CSMD3: variants seen among roughly 807,000 people sequenced by gnomAD.
The protein encoded by CSMD3 is CUB and sushi domain-containing protein 3.
CSMD3 carries 177 observed loss-of-function variants against 435.2 expected under a neutral mutation model. That is an observed-to-expected ratio of 0.41 (90% confidence interval 0.36 to 0.46). The LOEUF (loss-of-function observed/expected upper bound fraction) is 0.46. Ranked by LOEUF, CSMD3 falls within the 20% of genes least tolerant of loss-of-function variation. The pLI is 0.34. For synonymous variants in CSMD3, 1,656 were observed against 1,520.5 expected (o/e 1.09, Z -2.07); for missense variants, 4,265 against 4,504.6 (o/e 0.95, Z 1.52).
chr8:113,228,993 A>G (rs1016703480), intron 3 of CSMD3, among the ~76,000 whole-genome samples: 1 of 151,634 alleles, frequency 6.6e-6, no homozygotes, highest in Admixed American at 6.6e-5. Context: ...TCAAGTTCTT[A>G]ATCATACCTA....
At chr8:112,372,607 T>C (rs1828510148) in intron 38 of CSMD3, among the ~76,000 whole-genome samples, 1 of 152,088 alleles carries the variant, frequency 6.6e-6, no homozygotes, top group African/African-American at 2.4e-5. Context: ...CTTAGCACTT[T>C]GGGAGGCCGA....
At chr8:113,208,507 C>T (rs187596655) in intron 3 of CSMD3, among the ~76,000 whole-genome samples, 13 of 152,184 alleles carry the variant, frequency 8.5e-5, no homozygotes, top group Admixed American at 7.9e-4. Flanking sequence ...TTAGAATTAT[C>T]TCCATAATAA....
At chr8:113,213,521 T>C (rs867260061) in intron 3 of CSMD3, among the ~76,000 whole-genome samples, 2 of 151,988 alleles carry the variant, frequency 1.3e-5, no homozygotes, top group Non-Finnish European at 2.9e-5. Flanking sequence ...GTTTTTTTTT[T>C]AGTCCAAATT....
intron 6 of CSMD3, among the ~76,000 whole-genome samples, chr8:112,995,152 A>G (rs1439219692): frequency 6.6e-6 from 1 of 151,546 alleles, no homozygotes; most frequent in Non-Finnish European, 1.5e-5. Context: ...AATAGCTACA[A>G]TTAAGAGAAG....
chr8:112,626,094 TGAGGTA>T (rs1412128202), intron 22 of CSMD3, among the ~76,000 whole-genome samples: 1 of 152,092 alleles, frequency 6.6e-6, no homozygotes. Context: ...AGGGTAAGTT[TGAGGTA>T]AAGACAAAAT....
chr8:113,351,564 G>A (rs1454654557), intron 1 of CSMD3, among the ~76,000 whole-genome samples: 3 of 152,002 alleles, frequency 2.0e-5, no homozygotes, highest in Non-Finnish European at 4.4e-5. Context: ...TAAGATGCAT[G>A]CATTTAAATT....
At chr8:112,330,548 A>C (rs1483117939) in intron 45 of CSMD3, among the ~76,000 whole-genome samples, 2 of 152,210 alleles carry the variant, frequency 1.3e-5, no homozygotes, top group Non-Finnish European at 2.9e-5. Flanking sequence ...AGATCTCAAT[A>C]AAATTTTTTC....
chr8:112,294,491 G>C (rs1473175675), intron 54 of CSMD3, among the ~76,000 whole-genome samples: 1 of 152,046 alleles, frequency 6.6e-6, no homozygotes, highest in Non-Finnish European at 1.5e-5. Context: ...TTGACTTTAA[G>C]ATCCAAAGTA....
chr8:112,621,137 A>G (rs547595073), intron 22 of CSMD3, among the ~76,000 whole-genome samples: 1 of 152,234 alleles, frequency 6.6e-6, no homozygotes, highest in Admixed American at 6.5e-5. Flanking sequence ...CGGGAGACTG[A>G]GGCAGGAGAA....
intron 32 of CSMD3, among the ~76,000 whole-genome samples, chr8:112,450,793 T>C (rs1816173153): frequency 6.6e-6 from 1 of 152,210 alleles, no homozygotes. Flanking sequence ...GGCAATTTCT[T>C]ACACTTTCTT....
Position 112,314,034 on chromosome 8 carries a change from G to A in CSMD3, c.7568C>T (p.Pro2523Leu), listed in dbSNP as rs2130832138. The A allele has an allele frequency of 6.2e-7, 1 of 1,608,976 alleles. No homozygotes were observed. The highest frequency in any genetic ancestry group is 8.5e-7 in the Non-Finnish European group (1 of 1,176,016). ...ATCCCCACTGAGGGAAATAAGCACT[G>A]GACTTTGAATATTTGGTCCTTTGGG... The part of the protein sequence containing the change: ...QVYDGPNIQS[P>L]VLISLSGDYS... Residue 2523 changes from proline to leucine, a missense_variant, in exon 49 of 71, where the codon CCA (proline) becomes CTA (leucine). Coordinates refer to ENST00000297405, the MANE Select transcript of CSMD3 (RefSeq NM_198123.2).
chr8:112,352,661 A>T, intron 38 of CSMD3, 127 bp from the exon 39 acceptor site: 2 of 819,642 alleles, frequency 2.4e-6, no homozygotes, highest in Non-Finnish European at 4.1e-6. Flanking sequence ...AGACGTTGAG[A>T]ACGTTCTGTG....
chr8:112,708,735 C>CA (rs11393725), intron 13 of CSMD3, among the ~76,000 whole-genome samples: 76,197 of 140,072 alleles, frequency 0.54, 20,817 homozygotes, highest in African/African-American at 0.67. Context: ...AAAAAACCTA[C>CA]AAAAAAAAAT....
At chr8:112,520,652 A>G (rs374237173) in intron 27 of CSMD3, among the ~76,000 whole-genome samples, 1 of 152,062 alleles carries the variant, frequency 6.6e-6, no homozygotes, top group Non-Finnish European at 1.5e-5. Context: ...AGCAGAAAAG[A>G]AAGAGGCAAG....
chr8:112,833,652 C>T (rs2079940813), intron 11 of CSMD3, among the ~76,000 whole-genome samples: 1 of 151,458 alleles, frequency 6.6e-6, no homozygotes, highest in South Asian at 2.1e-4. Flanking sequence ...TAAATTGTAC[C>T]TCATTTAAGA....
chr8:113,241,597 T>A (rs1046212957), intron 3 of CSMD3, among the ~76,000 whole-genome samples: 2 of 146,292 alleles, frequency 1.4e-5, no homozygotes, highest in African/African-American at 2.5e-5. Flanking sequence ...TGCCTGTATT[T>A]TTTGCTGAAA....
intron 4 of CSMD3, among the ~76,000 whole-genome samples, chr8:113,138,793 T>C (rs2091477407): frequency 6.9e-6 from 1 of 144,450 alleles, no homozygotes; most frequent in East Asian, 2.1e-4. Flanking sequence ...AAAGTCGTTC[T>C]CAGAACTAAA....
chr8:113,340,378 A>T (rs1290554748), intron 1 of CSMD3, among the ~76,000 whole-genome samples: 3 of 152,114 alleles, frequency 2.0e-5, no homozygotes, highest in Non-Finnish European at 4.4e-5. Flanking sequence ...CACACCCAGA[A>T]GACATAAATA....
chr8:112,934,272 A>C (rs148912901), intron 9 of CSMD3, among the ~76,000 whole-genome samples: 231 of 152,280 alleles, frequency 1.5e-3, no homozygotes, highest in African/African-American at 5.3e-3. Flanking sequence ...AAAATTCAAA[A>C]TAACAGTACC....
Sources: allele counts gnomAD v4.1 joint callset (sites outside exome capture counted in the v4.1 genomes callset), GRCh38; gene constraint gnomAD v4.1.1; transcripts MANE v1.5; gene names NCBI Gene and HGNC (gene_info 2026-07-23, HGNC 2026-07-21).